The following DAPK1 variants were observed in gnomAD, a reference collection of about 807,000 sequenced individuals.
The protein encoded by DAPK1 is death associated protein kinase 1.
A neutral mutation model predicts 144.9 loss-of-function variants in DAPK1; 56 were observed. The ratio of observed to expected loss-of-function variants is 0.39; its 90% confidence interval spans 0.31 to 0.48. DAPK1 has a LOEUF of 0.48. Among genes scored for constraint, DAPK1 ranks in the 20% least tolerant of loss-of-function variants. The pLI, the probability that DAPK1 is intolerant of heterozygous loss-of-function variation, is 0.95. For missense variants in DAPK1, 1,454 were observed against 1,875.4 expected (o/e 0.78, Z 4.15); for synonymous variants, 690 against 749.0 (o/e 0.92, Z 1.29).
rs1334552888 is a variant in DAPK1 at position 87,694,536 on chromosome 9, A to C, written c.2414-2471A>C. On this transcript the variant is annotated intron_variant, in intron 21 of 25. Coordinates refer to ENST00000408954, the MANE Select transcript of DAPK1 (RefSeq NM_004938.4). Reference sequence around the variant, plus strand: ...TACTGGGAAGAGTGGTCCTGCTTTCACTGTCAGCAGCCATATGCGGCCAGC... The same window carrying C: ...TACTGGGAAGAGTGGTCCTGCTTTCCCTGTCAGCAGCCATATGCGGCCAGC... Among the ~76,000 whole-genome samples the C allele has an allele frequency of 3.9e-5, 6 of 152,240 alleles. No individual in the cohort carries two copies. The East Asian group carries it at 9.7e-4, about 25-fold the overall frequency.
chr9:87,503,226 ATG>A (rs1310506722), intron 2 of DAPK1, among the ~76,000 whole-genome samples: 1 of 151,880 alleles, frequency 6.6e-6, no homozygotes, highest in African/African-American at 2.4e-5. Context: ...ATATATATAT[ATG>A]TATATGTTTT....
intron 16 of DAPK1, 128 bp from the exon 17 acceptor site, chr9:87,651,399 T>A: frequency 2.3e-6 from 2 of 869,460 alleles, no homozygotes; most frequent in Non-Finnish European, 3.7e-6. Flanking sequence ...ATTTAAATCC[T>A]CCACTAGGGC....
chr9:87,547,602 T>TGC (rs1209578249), intron 2 of DAPK1, among the ~76,000 whole-genome samples: 353 of 150,560 alleles, frequency 2.3e-3, no homozygotes, highest in African/African-American at 7.8e-3. Flanking sequence ...TGTGTGTGTG[T>TGC]GTGCGTGTGT....
intron 2 of DAPK1, among the ~76,000 whole-genome samples, chr9:87,599,793 A>G (rs2118929057): frequency 6.6e-6 from 1 of 152,352 alleles, no homozygotes; most frequent in South Asian, 2.1e-4. Flanking sequence ...CAAACACTAA[A>G]CCATTGCTCT....
intron 17 of DAPK1, among the ~76,000 whole-genome samples, chr9:87,655,847 C>T (rs1454299722): frequency 6.6e-6 from 1 of 152,210 alleles, no homozygotes; most frequent in Non-Finnish European, 1.5e-5. Context: ...GCACGCTGTG[C>T]ACACGCACAC....
At chr9:87,559,444 T>C (rs1343534740) in intron 2 of DAPK1, among the ~76,000 whole-genome samples, 2 of 151,940 alleles carry the variant, frequency 1.3e-5, no homozygotes, top group African/African-American at 4.8e-5. Flanking sequence ...CATGTGACTG[T>C]TGAGCATGTG....
chr9:87,497,751 G>T (rs1157265197), upstream of DAPK1: 3 of 308,302 alleles, frequency 9.7e-6, no homozygotes, highest in East Asian at 1.6e-4. Flanking sequence ...CCGCAGCGCC[G>T]GCCTGGCAGG....
In DAPK1 at chr9:87,497,905, G is replaced by C; in HGVS notation, c.-311G>C. ...AGGAGGACAGCCGGACCGAGCCAAC[G>C]CCGGGGACTTTGTTCCCTCCGCGGA... On this transcript the variant is annotated 5_prime_UTR_variant, in exon 1 of 26. Transcript: ENST00000408954. 2.5e-6 allele frequency: 1 copy of C among 394,972 alleles called. No individual in the cohort carries two copies. The highest frequency in any genetic ancestry group is 3.6e-5 in the East Asian group (1 of 27,910). The allele number at this position is 394,972 out of a possible 1,614,324, so 24.5% of individuals were successfully genotyped here.
At chr9:87,679,400 C>T (rs796086510) in intron 19 of DAPK1, among the ~76,000 whole-genome samples, 9 of 152,140 alleles carry the variant, frequency 5.9e-5, no homozygotes, top group African/African-American at 1.9e-4. Flanking sequence ...CTGCACCTCA[C>T]GGCTCCAAAC....
intron 2 of DAPK1, among the ~76,000 whole-genome samples, chr9:87,514,085 C>T (rs1824955220): frequency 6.6e-6 from 1 of 152,186 alleles, no homozygotes; most frequent in Non-Finnish European, 1.5e-5. Context: ...CCCCCACCCT[C>T]TGTAGAGAAC....
At chr9:87,507,274 G>A (rs1313677713) in intron 2 of DAPK1, among the ~76,000 whole-genome samples, 4 of 152,146 alleles carry the variant, frequency 2.6e-5, no homozygotes, top group Non-Finnish European at 2.9e-5. Flanking sequence ...ATGCAATGGC[G>A]CTATCTCGGC....
intron 2 of DAPK1, chr9:87,554,442 A>T (rs1425783619): frequency 9.0e-6 from 1 of 111,296 alleles, no homozygotes; most frequent in Non-Finnish European, 1.7e-5. Context: ...ATAAAATGTA[A>T]TACTAAAAAA....
chr9:87,652,115 T>C (rs545444397), intron 17 of DAPK1, among the ~76,000 whole-genome samples: 1 of 148,196 alleles, frequency 6.7e-6, no homozygotes, highest in African/African-American at 2.5e-5. Context: ...CGATCCTGGG[T>C]CCTGATTCTG....
chr9:87,606,132 CT>C (rs1046109685), intron 3 of DAPK1, among the ~76,000 whole-genome samples: 2 of 152,196 alleles, frequency 1.3e-5, no homozygotes, highest in African/African-American at 4.8e-5. Context: ...CAACGGCCTC[CT>C]TCTTTGCAGA....
chr9:87,613,667 A>C (rs1829003254), intron 3 of DAPK1, among the ~76,000 whole-genome samples: 1 of 152,252 alleles, frequency 6.6e-6, no homozygotes, highest in African/African-American at 2.4e-5. Context: ...TTAAAGTGAT[A>C]GTTTCAAAGG....
intron 4 of DAPK1, among the ~76,000 whole-genome samples, chr9:87,638,388 G>A (rs923330134): frequency 8.7e-6 from 1 of 115,086 alleles, no homozygotes; most frequent in Non-Finnish European, 1.8e-5. Context: ...GCTAGTGACT[G>A]GCACTGGTTC....
chr9:87,653,805 T>G (rs999419712), intron 17 of DAPK1, among the ~76,000 whole-genome samples: 1 of 152,150 alleles, frequency 6.6e-6, no homozygotes, highest in Non-Finnish European at 1.5e-5. Context: ...GCGATTCTCA[T>G]GCCTCAGCCT....
At chr9:87,501,340 G>A (rs1824384083) in intron 2 of DAPK1, among the ~76,000 whole-genome samples, 1 of 152,178 alleles carries the variant, frequency 6.6e-6, no homozygotes, top group African/African-American at 2.4e-5. Context: ...CTAACATAGT[G>A]AAACCCTGTC....
At chr9:87,596,695 A>G (rs1402738650) in intron 2 of DAPK1, among the ~76,000 whole-genome samples, 1 of 152,142 alleles carries the variant, frequency 6.6e-6, no homozygotes, top group East Asian at 1.9e-4. Flanking sequence ...TGACCTAGTC[A>G]CTTTCTGTGT....
Sources: gnomAD v4.1 joint callset for allele counts (sites outside exome capture counted in the v4.1 genomes callset) on GRCh38, gnomAD v4.1.1 for gene constraint, MANE v1.5 for transcripts, NCBI Gene and HGNC (gene_info 2026-07-23, HGNC 2026-07-21) for gene names.